The following DENND1A variants were observed in gnomAD, a reference collection of about 807,000 sequenced individuals.
DENND1A encodes DENN domain containing 1A, also known as DENN domain-containing protein 1A.
Under a neutral mutation model 113.7 loss-of-function variants are expected in DENND1A, and 51 were observed. That is an observed-to-expected ratio of 0.45 (90% CI 0.36 to 0.57). The LOEUF is 0.57. DENND1A is among the 20% of genes least tolerant of loss of function. The pLI is 0.00. For synonymous variants in DENND1A, 565 were observed against 570.8 expected (o/e 0.99, Z 0.14); for missense variants, 1,258 against 1,395.9 (o/e 0.90, Z 1.57).
In DENND1A at chr9:123,842,311, A is replaced by G. The variant is rs542975365; in HGVS notation, c.88+36640T>C. ...ATTTCAGACAAAGAAACAGCATCTG[A>G]AAATGACAATTACTTTGCAGTGGCT... On this transcript the variant is annotated intron_variant, in intron 2 of 23. Transcript: ENST00000394215. Among the ~76,000 whole-genome samples the G allele has an allele frequency of 2.0e-5, 3 of 152,380 alleles. No homozygotes were observed. The South Asian group carries it at 6.2e-4, about 32-fold the overall frequency.
At chr9:123,417,490 G>A (rs1039061336) in intron 19 of DENND1A, among the ~76,000 whole-genome samples, 3 of 152,360 alleles carry the variant, frequency 2.0e-5, no homozygotes, top group African/African-American at 4.8e-5. Flanking sequence ...GAGAGGTTAA[G>A]GGACTAGTAT....
intron 12 of DENND1A, among the ~76,000 whole-genome samples, chr9:123,563,050 G>A (rs906108219): frequency 2.6e-5 from 4 of 152,048 alleles, no homozygotes; most frequent in South Asian, 2.1e-4. Context: ...CTTTAGTGAC[G>A]GATCATTAGA....
chr9:123,674,883 A>G (rs1487949792), intron 6 of DENND1A, among the ~76,000 whole-genome samples: 2 of 150,030 alleles, frequency 1.3e-5, no homozygotes, highest in Non-Finnish European at 2.9e-5. Context: ...GAGGGAAAAA[A>G]TGTGAGTCAA....
chr9:123,517,560 A>C (rs1419893827), intron 13 of DENND1A, among the ~76,000 whole-genome samples: 1 of 151,906 alleles, frequency 6.6e-6, no homozygotes, highest in Non-Finnish European at 1.5e-5. Context: ...GGGAGGTTGC[A>C]GTCAGCTGAG....
chr9:123,893,960 A>G lies in DENND1A; in HGVS notation c.18-14939T>C, dbSNP rs369146409. Among the ~76,000 whole-genome samples, 5 of 152,306 alleles carry G rather than the reference A, an allele frequency of 3.3e-5. No homozygotes were observed. The South Asian group carries it at 8.3e-4, about 25-fold the overall frequency. Reference sequence around the variant, plus strand: ...TGAACAAATGCCTCCTCCTCTCTGGAGGCTTCTCTCACCCCCTTACAAAGC... The same window carrying G: ...TGAACAAATGCCTCCTCCTCTCTGGGGGCTTCTCTCACCCCCTTACAAAGC... On this transcript the variant is annotated intron_variant, in intron 1 of 23. Coordinates refer to ENST00000394215, the MANE Select transcript of DENND1A (RefSeq NM_001352964.2).
intron 21 of DENND1A, among the ~76,000 whole-genome samples, chr9:123,399,015 T>C (rs1047759380): frequency 5.3e-5 from 8 of 151,068 alleles, no homozygotes; most frequent in Non-Finnish European, 1.0e-4. Flanking sequence ...AGGCTGGTCT[T>C]GAACTCCTGA....
intron 5 of DENND1A, among the ~76,000 whole-genome samples, chr9:123,743,278 G>A (rs1225906449): frequency 6.6e-6 from 1 of 152,082 alleles, no homozygotes; most frequent in Non-Finnish European, 1.5e-5. Context: ...TCGTGCACCT[G>A]TAATCCCAGC....
rs56814463 is a variant in DENND1A at position 123,711,513 on chromosome 9, G to GTATA, written c.303-34728_303-34725dup. ...TATATATATATATATATGTATATAT[G>GTATA]TATATATATATATATATATATATAT... On this transcript the variant is annotated intron_variant, in intron 5 of 23. Transcript: ENST00000394215. Among the ~76,000 whole-genome samples, 434 of 120,966 alleles carry GTATA rather than the reference G, an allele frequency of 3.6e-3. 5 individuals are homozygous for GTATA. The highest frequency in any genetic ancestry group is 8.8e-3 in the East Asian group (38 of 4,314). The allele number at this position is 120,966 out of a possible 152,430, so 79.4% of individuals were successfully genotyped here. A position where few individuals can be genotyped will look rare whatever the true frequency, so the allele number is the denominator to read the frequency against.
At chr9:123,621,591 C>T (rs1279536009) in intron 10 of DENND1A, among the ~76,000 whole-genome samples, 1 of 152,142 alleles carries the variant, frequency 6.6e-6, no homozygotes, top group Non-Finnish European at 1.5e-5. Flanking sequence ...TACAGAGCAC[C>T]TGCTTTGTGT....
intron 2 of DENND1A, among the ~76,000 whole-genome samples, chr9:123,856,798 A>T (rs1005917976): frequency 6.6e-6 from 1 of 152,144 alleles, no homozygotes; most frequent in African/African-American, 2.4e-5. Flanking sequence ...TAAGGAAGAC[A>T]TCCACACTGG....
chr9:123,788,676 A>C (rs2131984060), intron 3 of DENND1A, among the ~76,000 whole-genome samples: 1 of 152,230 alleles, frequency 6.6e-6, no homozygotes, highest in Non-Finnish European at 1.5e-5. Context: ...TAGAAATGAA[A>C]GAAATACATT....
intron 2 of DENND1A, among the ~76,000 whole-genome samples, chr9:123,801,526 A>T (rs1390291238): frequency 1.3e-5 from 2 of 152,224 alleles, no homozygotes; most frequent in Admixed American, 1.3e-4. Context: ...TTATTCCATC[A>T]ATGGACATAT....
intron 20 of DENND1A, among the ~76,000 whole-genome samples, chr9:123,406,532 T>C (rs10986010): frequency 1 from 152,170 of 152,392 alleles, 75,974 homozygotes; most frequent in Non-Finnish European, 1. Context: ...ATGTCATGGT[T>C]GCTCAGCAAG....
intron 13 of DENND1A, among the ~76,000 whole-genome samples, chr9:123,555,509 C>G (rs35036079): frequency 4.1e-4 from 63 of 152,338 alleles, no homozygotes; most frequent in Non-Finnish European, 7.1e-4. Context: ...CACCCTCACT[C>G]TAGGAAGGGA....
chr9:123,711,505 G>GTGTATATATATATA (rs1554970624), intron 5 of DENND1A, among the ~76,000 whole-genome samples: 3 of 62,556 alleles, frequency 4.8e-5, no homozygotes, highest in African/African-American at 2.7e-4. Flanking sequence ...ATATATATAT[G>GTGTATATATATATA]TATATATGTA....
intron 22 of DENND1A, among the ~76,000 whole-genome samples, chr9:123,387,472 G>A (rs1465358575): frequency 2.0e-5 from 3 of 152,214 alleles, no homozygotes; most frequent in African/African-American, 7.2e-5. Context: ...TCATCTCTAA[G>A]GGGACCAATG....
chr9:123,480,456 C>T (rs533849770), intron 13 of DENND1A, among the ~76,000 whole-genome samples: 6 of 152,224 alleles, frequency 3.9e-5, no homozygotes, highest in East Asian at 1.9e-4. Context: ...GCTTCCCATA[C>T]GCTGTGCTTT....
At chr9:123,929,650 C>T (rs1364344211) in intron 1 of DENND1A, among the ~76,000 whole-genome samples, 2 of 152,020 alleles carry the variant, frequency 1.3e-5, no homozygotes, top group Admixed American at 1.3e-4. Context: ...CTCAGCTGTT[C>T]CGACCCCCAG....
chr9:123,619,415 CTGAT>C (rs1046418057), intron 10 of DENND1A, among the ~76,000 whole-genome samples: 19 of 138,494 alleles, frequency 1.4e-4, no homozygotes, highest in East Asian at 1.2e-3. Context: ...CATTGATTGA[CTGAT>C]TGATTGATTG....
Sources: allele counts gnomAD v4.1 joint callset (sites outside exome capture counted in the v4.1 genomes callset), GRCh38; gene constraint gnomAD v4.1.1; transcripts MANE v1.5; gene names NCBI Gene and HGNC (gene_info 2026-07-23, HGNC 2026-07-21).